The following FCHSD1 variants were observed in gnomAD, a reference collection of about 807,000 sequenced individuals.
The protein encoded by FCHSD1 is F-BAR and double SH3 domains protein 1.
A neutral mutation model predicts 101.3 loss-of-function variants in FCHSD1; 109 were observed. That is an observed-to-expected ratio of 1.08 (90% confidence interval 0.92 to 1.26). The LOEUF is 1.26. Among genes scored for constraint, FCHSD1 ranks in the 50% most tolerant of loss-of-function variants. The probability of loss-of-function intolerance (pLI) is 0.00; values close to 1 mark genes in which losing one functional copy is unlikely to be tolerated. For missense variants in FCHSD1, 820 were observed against 895.8 expected (o/e 0.92, Z 1.08); for synonymous variants, 291 against 356.8 (o/e 0.82, Z 2.08).
At chr5:141,641,870 C>A in intron 18 of FCHSD1, 113 bp from the exon 19 acceptor site, 1 of 1,076,278 alleles carries the variant, frequency 9.3e-7, no homozygotes, top group Non-Finnish European at 1.4e-6. Flanking sequence ...TGGTCACCAT[C>A]CTAGACCATA....
At chr5:141,650,251 ACT>A in intron 3 of FCHSD1, 106 bp downstream of exon 3, 2 of 1,418,584 alleles carry the variant, frequency 1.4e-6, no homozygotes, top group South Asian at 2.3e-5. Context: ...AGTCTGCTTG[ACT>A]CTAGGCATCT....
rs370226917 is a variant in FCHSD1, at chr5:141,643,080, C to T, written c.1872G>A (p.Pro624=). The change falls in exon 18 of 20, where the codon CCG becomes CCA. Residue 624 remains proline (P), a synonymous_variant. Transcript: ENST00000435817. ...GGGAGAAGCTGGGAGGAGAAGGGGACGGCAGCATCTGGAGGTGGGGTGGGC... is the reference window on the plus strand; with the variant it reads ...GGGAGAAGCTGGGAGGAGAAGGGGATGGCAGCATCTGGAGGTGGGGTGGGC... ...PELSDPEQML[P]SPSPPSFSPP... 54 of 1,490,096 alleles carry T rather than the reference C, an allele frequency of 3.6e-5. No homozygotes were observed. In the African/African-American group the frequency reaches 4.1e-4, roughly 11 times the overall value. The allele number at this position is 1,490,096 out of a possible 1,614,324, so 92.3% of individuals were successfully genotyped here.
In FCHSD1 at chr5:141,644,575, G is replaced by A. The variant is rs200914115; in HGVS notation, c.1640C>T (p.Thr547Ile). ...DSDNPCGAEP[T>I]AFLAQALYSY... ...AACCCAAAATTTCCCTTTCTTACCTGTGGGCTCTGCCCCGCAGGGATTGTC... is the reference window on the plus strand; with the variant it reads ...AACCCAAAATTTCCCTTTCTTACCTATGGGCTCTGCCCCGCAGGGATTGTC... The change falls in exon 16 of 20, where the codon ACA (threonine) becomes ATA (isoleucine). Residue 547 changes from threonine to isoleucine, a missense_variant and splice_region_variant. Thr to Ile is a moderately conservative substitution (Grantham distance 89). Coordinates refer to ENST00000435817, the MANE Select transcript of FCHSD1 (RefSeq NM_033449.3). 9.2e-5 allele frequency: 149 copies of A among 1,613,694 alleles called. No individual in the cohort carries two copies. The African/African-American group carries it at 1.4e-3, about 16-fold the overall frequency.
intron 13 of FCHSD1, among the ~76,000 whole-genome samples, 152 bp from the exon 14 acceptor site, chr5:141,645,300 G>A (rs960471283): frequency 6.8e-6 from 1 of 146,018 alleles, no homozygotes; most frequent in Non-Finnish European, 1.5e-5. Context: ...AGTCACCACA[G>A]AGCAGGATAA....
At position 141,649,472 on chromosome 5, in the gene FCHSD1, G is replaced by C. The variant is rs556350876; in HGVS notation, c.298C>G (p.Arg100Gly). ...CGGTATCGGTCAGACGCCTGGAGTC[G>C]GGTTTGGCCCCCAGCCACGGTGGCA... Reference protein sequence around the residue: ...LDATVAGGQTRLQASDRYRDL... With the variant: ...LDATVAGGQTGLQASDRYRDL... The change falls in exon 5 of 20, where the codon CGA (arginine) becomes GGA (glycine). Residue 100 changes from arginine (R) to glycine (G), a missense_variant. By Grantham distance (125) the Arg-to-Gly change is moderately radical. Transcript: ENST00000435817. The surrounding 1 kb of genome is among the most constrained non-coding windows in gnomAD (Gnocchi z 4.1). 3.1e-6 allele frequency: 5 copies of C among 1,613,830 alleles called. No individual in the cohort carries two copies. In the African/African-American group the frequency reaches 6.7e-5, roughly 22 times the overall value.
At position 141,647,015 on chromosome 5, in the gene FCHSD1, T is replaced by A. The variant is rs146753497; in HGVS notation, c.924+120A>T. The A allele has an allele frequency of 8.5e-4, 883 of 1,042,386 alleles. 11 individuals carry two copies. In the East Asian group the frequency reaches 0.021, roughly 24 times the overall value. The allele number at this position is 1,042,386 out of a possible 1,614,324, so 64.6% of individuals were successfully genotyped here. ...TTGGGAGGGAGGTGAGCTGGAGTTC[T>A]GAAACCCCCTCTCCACGGTGTACAC... On this transcript the variant is annotated intron_variant, in intron 10 of 19. Transcript: ENST00000435817.
In FCHSD1 at chr5:141,646,644, G is replaced by A. The variant is rs757146825; in HGVS notation, c.1003C>T (p.Arg335Ter). Residue 335 changes from arginine to a stop codon, truncating the protein, a stop_gained, in exon 11 of 20, where the codon CGA becomes TGA. Transcript: ENST00000435817. LOFTEE classifies it high-confidence loss of function. The stretch of plus-strand genomic sequence containing the variant: ...TGGATCTTGTAGTCACGGGCAGCTC[G>A]GCTGGTCAAGCGCTGAACCTCTTTC... ...LEKEVQRLTS[R>*]AARDYKIQNH... 1.1e-5 allele frequency: 17 copies of A among 1,612,992 alleles called. No homozygotes were observed. The highest frequency in any genetic ancestry group is 2.7e-5 in the African/African-American group (2 of 74,938).
rs1295387298 is a variant in FCHSD1 at position 141,640,541 on chromosome 5, C to A, written c.*957G>T. Reference sequence around the variant, plus strand: ...CGGCTCCCTGAACCCCCCGAGTAAACTGCAGGCTTAGCCTTTGCTATAAAT... The same window carrying A: ...CGGCTCCCTGAACCCCCCGAGTAAAATGCAGGCTTAGCCTTTGCTATAAAT... On this transcript the variant is annotated 3_prime_UTR_variant, in exon 20 of 20. Transcript: ENST00000435817. 7 of 1,594,572 alleles carry A rather than the reference C, an allele frequency of 4.4e-6. No individual in the cohort carries two copies. The highest frequency in any genetic ancestry group is 6.0e-6 in the Non-Finnish European group (7 of 1,169,056).
chr5:141,649,378 C>A lies in FCHSD1; in HGVS notation c.375+17G>T, dbSNP rs1318771317. 2.5e-6 allele frequency: 4 copies of A among 1,613,938 alleles called. No individual in the cohort carries two copies. The highest frequency in any genetic ancestry group is 3.4e-6 in the Non-Finnish European group (4 of 1,179,812). On this transcript the variant is annotated intron_variant, in intron 5 of 19. Coordinates refer to ENST00000435817, the MANE Select transcript of FCHSD1 (RefSeq NM_033449.3). This position sits in a 1 kb window ranked among gnomAD's most constrained non-coding sequence, Gnocchi z 4.1. ...TCCCAAGCCAGCTCTTCCTTCACCC[C>A]AACCTCTGAGCCATACCTTCCTAAG...
At position 141,640,969 on chromosome 5, in the gene FCHSD1, A is replaced by T. The variant is rs2099906819; in HGVS notation, c.*529T>A. The T allele has an allele frequency of 6.3e-6, 3 of 476,402 alleles. No individual in the cohort carries two copies. The allele number at this position is 476,402 out of a possible 1,614,324, so 29.5% of individuals were successfully genotyped here. ...CGTGGTGGGCCCCTAAAGCAATAGCACCGTAGGCCCCCTGCCCTCTTAGCA... is the reference window on the plus strand; with the variant it reads ...CGTGGTGGGCCCCTAAAGCAATAGCTCCGTAGGCCCCCTGCCCTCTTAGCA... On this transcript the variant is annotated 3_prime_UTR_variant, in exon 20 of 20. Coordinates refer to ENST00000435817, the MANE Select transcript of FCHSD1 (RefSeq NM_033449.3).
At position 141,643,090 on chromosome 5, in the gene FCHSD1, TG is replaced by T; in HGVS notation, c.1864-3del. 6.8e-7 allele frequency: 1 copy of T among 1,477,442 alleles called. No individual in the cohort carries two copies. Among genetic ancestry groups the T allele is most frequent in the Non-Finnish European group, 9.0e-7 (1 of 1,114,254 alleles). The allele number at this position is 1,477,442 out of a possible 1,614,324, so 91.5% of individuals were successfully genotyped here. A position where few individuals can be genotyped will look rare whatever the true frequency, so the allele number is the denominator to read the frequency against. ...GGGAGGAGAAGGGGACGGCAGCATC[TG>T]GAGGTGGGGTGGGCACAGAGTTATT... On this transcript the variant is annotated splice_region_variant and splice_polypyrimidine_tract_variant and intron_variant, in intron 17 of 19. Transcript: ENST00000435817.
Position 141,640,102 on chromosome 5 carries a change from C to T in FCHSD1, c.*1396G>A. 2 of 1,613,788 alleles carry T rather than the reference C, an allele frequency of 1.2e-6. No homozygotes were observed. Among genetic ancestry groups the T allele is most frequent in the East Asian group, 2.2e-5 (1 of 44,852 alleles). ...AGGCTGCCCCCTGAGAGGCCACAGC[C>T]CCAGGTCCTAGCCAGCCCCCCAGTA... On this transcript the variant is annotated 3_prime_UTR_variant, in exon 20 of 20. Transcript: ENST00000435817.
chr5:141,640,828 G>T lies in FCHSD1; in HGVS notation c.*670C>A, dbSNP rs2099906782. ...GTCTCAGGCTGGGGGCCTCAGGAGAGGTCACAGCCCCTCAGTCTCTTCTCC... is the reference window on the plus strand; with the variant it reads ...GTCTCAGGCTGGGGGCCTCAGGAGATGTCACAGCCCCTCAGTCTCTTCTCC... On this transcript the variant is annotated 3_prime_UTR_variant, in exon 20 of 20. Coordinates refer to ENST00000435817, the MANE Select transcript of FCHSD1 (RefSeq NM_033449.3). 2.9e-6 allele frequency: 2 copies of T among 680,842 alleles called. No homozygotes were observed. 42.2% of individuals were successfully genotyped at this position (680,842 alleles called of 1,614,324 possible). A position where few individuals can be genotyped will look rare whatever the true frequency, so the allele number is the denominator to read the frequency against.
rs776157809 is a variant in FCHSD1 at position 141,649,038 on chromosome 5, A to G, written c.513-18T>C. ...GGTTTAGCCTGTGCAGATGAGAGAAAGGAGTCAGGCCCACCCCAAGTGGGA... is the reference window on the plus strand; with the variant it reads ...GGTTTAGCCTGTGCAGATGAGAGAAGGGAGTCAGGCCCACCCCAAGTGGGA... On this transcript the variant is annotated intron_variant, in intron 6 of 19. Transcript: ENST00000435817. The surrounding 1 kb of genome is among the most constrained non-coding windows in gnomAD (Gnocchi z 4.1). The G allele has an allele frequency of 6.2e-7, 1 of 1,613,942 alleles. No homozygotes were observed. Among genetic ancestry groups the G allele is most frequent in the South Asian group, 1.1e-5 (1 of 91,082 alleles).
chr5:141,650,959 T>G, intron 2 of FCHSD1, 61 bp downstream of exon 2: 1 of 1,461,848 alleles, frequency 6.8e-7, no homozygotes, highest in Non-Finnish European at 9.4e-7. Context: ...ACATGTATAT[T>G]GGGGAGAAGT....
chr5:141,645,748 G>A (rs755332630), intron 13 of FCHSD1, 23 bp downstream of exon 13: 4 of 1,602,052 alleles, frequency 2.5e-6, no homozygotes, highest in Admixed American at 1.7e-5. Flanking sequence ...GTAAGGATGG[G>A]TAGTGTTGGG....
Position 141,647,223 on chromosome 5 carries a change from C to T in FCHSD1, c.836G>A (p.Trp279Ter). ...RGEQTTSQVS[W>*]EQDLKLFLQE... ...AAGAAACAGCTTCAGGTCTTGCTCCCAGCTTACCTAGGGGTTGGGAAAAGT... is the reference window on the plus strand; with the variant it reads ...AAGAAACAGCTTCAGGTCTTGCTCCTAGCTTACCTAGGGGTTGGGAAAAGT... Residue 279 changes from tryptophan (W) to a stop codon, truncating the protein, a stop_gained, in exon 10 of 20, where the codon TGG becomes TAG. Transcript: ENST00000435817. LOFTEE classifies it high-confidence loss of function. 6.2e-7 allele frequency: 1 copy of T among 1,604,856 alleles called. No individual in the cohort carries two copies. Among genetic ancestry groups the T allele is most frequent in the East Asian group, 2.2e-5 (1 of 44,610 alleles).
rs752410472 is a variant in FCHSD1 at position 141,644,616 on chromosome 5, C to G, written c.1599G>C (p.Glu533Asp). 1 of 1,613,980 alleles carries G rather than the reference C, an allele frequency of 6.2e-7. No individual in the cohort carries two copies. The highest frequency in any genetic ancestry group is 8.5e-7 in the Non-Finnish European group (1 of 1,179,862). Residue 533 changes from glutamate (E) to aspartate (D), a missense_variant, in exon 16 of 20, where the codon GAG becomes GAC. Physicochemically the swap from Glu to Asp is conservative, Grantham distance 45. Transcript: ENST00000435817. ...AGGGATTGTCACTGTCTTGGCTGCTCTCTGGGAGGGAGAGGTCCGGGAAGT... is the reference window on the plus strand; with the variant it reads ...AGGGATTGTCACTGTCTTGGCTGCTGTCTGGGAGGGAGAGGTCCGGGAAGT... ...YLNFPDLSLP[E>D]SSQDSDNPCG... is the part of the protein sequence containing the mutation.
In FCHSD1 at chr5:141,640,958, A is replaced by G; in HGVS notation, c.*540T>C. 2.0e-6 allele frequency: 1 copy of G among 500,218 alleles called. No individual in the cohort carries two copies. Among genetic ancestry groups the G allele is most frequent in the Non-Finnish European group, 3.5e-6 (1 of 284,028 alleles). 31.0% of individuals were successfully genotyped at this position (500,218 alleles called of 1,614,324 possible). On this transcript the variant is annotated 3_prime_UTR_variant, in exon 20 of 20. Coordinates refer to ENST00000435817, the MANE Select transcript of FCHSD1 (RefSeq NM_033449.3). Reference sequence around the variant, plus strand: ...AGGCCCCTGCCCGTGGTGGGCCCCTAAAGCAATAGCACCGTAGGCCCCCTG... The same window carrying G: ...AGGCCCCTGCCCGTGGTGGGCCCCTGAAGCAATAGCACCGTAGGCCCCCTG...
Sources: allele counts gnomAD v4.1 joint callset (sites outside exome capture counted in the v4.1 genomes callset), GRCh38; gene constraint gnomAD v4.1.1; non-coding constraint Gnocchi (gnomAD v3.1); transcripts MANE v1.5; gene names NCBI Gene and HGNC (gene_info 2026-07-23, HGNC 2026-07-21).